HIP1: variants seen among roughly 807,000 people sequenced by gnomAD.
HIP1 encodes huntingtin-interacting protein 1.
In HIP1, 65 loss-of-function variants were observed where a neutral mutation model predicts 147.6. That is an observed-to-expected ratio of 0.44 (90% CI 0.36 to 0.54). HIP1 has a LOEUF of 0.54. HIP1 is among the 20% of genes least tolerant of loss of function. HIP1 has a pLI of 0.00. For synonymous variants in HIP1, 479 were observed against 504.0 expected, an observed-to-expected ratio of 0.95 and a Z score of 0.67; for missense variants, 1,061 against 1,299.6, an observed-to-expected ratio of 0.82 and a Z score of 2.82.
At chr7:75,557,507 T>C (rs1445277724) in intron 16 of HIP1, 147 bp downstream of exon 16, 1 of 706,030 alleles carries the variant, frequency 1.4e-6, no homozygotes, top group Admixed American at 1.9e-5. Flanking sequence ...GGTGTTTTGC[T>C]GTTCTGTGTG....
At chr7:75,556,202 G>T (rs1554493297) in intron 17 of HIP1, 33 bp from the exon 18 acceptor site, 2 of 1,609,564 alleles carry the variant, frequency 1.2e-6, no homozygotes, top group Non-Finnish European at 8.5e-7. Flanking sequence ...AGAGGGAGAC[G>T]CTGGTTGAGT....
intron 1 of HIP1, among the ~76,000 whole-genome samples, chr7:75,691,952 A>G (rs1291613727): frequency 6.6e-6 from 1 of 152,062 alleles, no homozygotes; most frequent in African/African-American, 2.4e-5. Context: ...GGGTGAAAGT[A>G]TCTTGGAACT....
At chr7:75,647,648 CA>C (rs1798846777) in intron 1 of HIP1, among the ~76,000 whole-genome samples, 1 of 152,222 alleles carries the variant, frequency 6.6e-6, no homozygotes, top group Non-Finnish European at 1.5e-5. Context: ...AGCTCTCAGG[CA>C]ATTCACCATG....
At chr7:75,656,171 T>C (rs1799134021) in intron 1 of HIP1, among the ~76,000 whole-genome samples, 1 of 152,066 alleles carries the variant, frequency 6.6e-6, no homozygotes, top group Non-Finnish European at 1.5e-5. Flanking sequence ...TTATGTTATA[T>C]GTATTTTACC....
chr7:75,536,218 C>G lies in HIP1; in HGVS notation c.*1954G>C. 4.7e-6 allele frequency: 1 copy of G among 212,078 alleles called. No homozygotes were observed. Among genetic ancestry groups the G allele is most frequent in the East Asian group, 7.0e-5 (1 of 14,240 alleles). The allele number at this position is 212,078 out of a possible 1,614,324, so 13.1% of individuals were successfully genotyped here. ...AAAGCAGCATTCAACATTAAGACTG[C>G]CCAATTTCTAGTGCTGATACTTCCT... On this transcript the variant is annotated 3_prime_UTR_variant, in exon 31 of 31. Coordinates refer to ENST00000336926, the MANE Select transcript of HIP1 (RefSeq NM_005338.7).
intron 1 of HIP1, among the ~76,000 whole-genome samples, chr7:75,643,175 A>C (rs1279237431): frequency 2.0e-5 from 3 of 152,356 alleles, no homozygotes; most frequent in African/African-American, 7.2e-5. Context: ...GAGGCATAGA[A>C]GTCCATTAAT....
chr7:75,674,797 T>C (rs1195359231), intron 1 of HIP1, among the ~76,000 whole-genome samples: 1 of 151,896 alleles, frequency 6.6e-6, no homozygotes, highest in Non-Finnish European at 1.5e-5. Context: ...GGCCGGCTTT[T>C]TTTTTTTAAT....
chr7:75,638,694 G>A lies in HIP1; in HGVS notation c.121-39447C>T, dbSNP rs1323903413. On this transcript the variant is annotated intron_variant, in intron 1 of 30. Coordinates refer to ENST00000336926, the MANE Select transcript of HIP1 (RefSeq NM_005338.7). ...CGATCTCCTGTAGGTGTGCGGGCAG[G>A]GGGCTCCGGAGGGCACGGTACAAGC... 2.0e-5 allele frequency among the ~76,000 whole-genome samples: 3 copies of A among 152,306 alleles called. No individual in the cohort carries two copies. In the East Asian group the frequency reaches 5.8e-4, roughly 30 times the overall value.
At chr7:75,664,132 G>A (rs111211692) in intron 1 of HIP1, among the ~76,000 whole-genome samples, 13,571 of 40,846 alleles carry the variant, frequency 0.33, 3,713 homozygotes, top group African/African-American at 0.47. Flanking sequence ...GCACACACAT[G>A]TGTGTACATA....
intron 22 of HIP1, among the ~76,000 whole-genome samples, chr7:75,549,942 C>T (rs1794721697): frequency 1.3e-5 from 2 of 151,378 alleles, no homozygotes; most frequent in Admixed American, 6.6e-5. Flanking sequence ...TCCCAATGTG[C>T]TGGGATTGAA....
At chr7:75,720,899 G>A (rs1336536174) in intron 1 of HIP1, among the ~76,000 whole-genome samples, 4 of 151,996 alleles carry the variant, frequency 2.6e-5, no homozygotes, top group Non-Finnish European at 5.9e-5. Flanking sequence ...TTAGCTGGGT[G>A]TGGTGGAACA....
intron 1 of HIP1, among the ~76,000 whole-genome samples, chr7:75,707,972 C>T (rs990495111): frequency 1.8e-4 from 26 of 141,478 alleles, no homozygotes; most frequent in Non-Finnish European, 2.7e-4. Context: ...AAGATTTATA[C>T]GTTAGACCTA....
At chr7:75,635,435 G>A (rs1180038880) in intron 1 of HIP1, among the ~76,000 whole-genome samples, 25 of 151,996 alleles carry the variant, frequency 1.6e-4, no homozygotes, top group Admixed American at 1.4e-3. Flanking sequence ...CAAATTAGTC[G>A]GGCATGGTGG....
chr7:75,709,651 T>C (rs1801107682), intron 1 of HIP1, among the ~76,000 whole-genome samples: 1 of 152,194 alleles, frequency 6.6e-6, no homozygotes, highest in Non-Finnish European at 1.5e-5. Flanking sequence ...CCTCTTCCTT[T>C]CCAATTTGGA....
At chr7:75,570,045 C>T (rs1795556898) in intron 8 of HIP1, among the ~76,000 whole-genome samples, 1 of 151,886 alleles carries the variant, frequency 6.6e-6, no homozygotes, top group Admixed American at 6.6e-5. Flanking sequence ...AGCAATTCTC[C>T]TGCCTCAGCT....
intron 4 of HIP1, among the ~76,000 whole-genome samples, chr7:75,589,529 T>C (rs1342251303): frequency 2.0e-5 from 3 of 150,874 alleles, no homozygotes; most frequent in East Asian, 2.0e-4. Flanking sequence ...CACTAAAATA[T>C]AAAAATTAGC....
Position 75,535,592 on chromosome 7 carries a change from TCAAG to T in HIP1, c.*2576_*2579del, listed in dbSNP as rs1212134353. ...CCAGCCTGGTCTCAAACTCCTGAGCTCAAGCAATCATCCCGTCTTGGCCTCCCAA... is the reference window on the plus strand; with the variant it reads ...CCAGCCTGGTCTCAAACTCCTGAGCTCAATCATCCCGTCTTGGCCTCCCAA... On this transcript the variant is annotated 3_prime_UTR_variant, in exon 31 of 31. Transcript: ENST00000336926. 1 of 182,734 alleles carries T rather than the reference TCAAG, an allele frequency of 5.5e-6. No individual in the cohort carries two copies. The highest frequency in any genetic ancestry group is 8.9e-5 in the East Asian group (1 of 11,278). The allele number at this position is 182,734 out of a possible 1,614,324, so 11.3% of individuals were successfully genotyped here.
At chr7:75,585,086 G>A (rs1796203851) in intron 5 of HIP1, among the ~76,000 whole-genome samples, 1 of 151,964 alleles carries the variant, frequency 6.6e-6, no homozygotes, top group African/African-American at 2.4e-5. Flanking sequence ...CTGGCCTCAA[G>A]TGATCCTCCT....
chr7:75,539,125 A>G (rs1554489336), intron 30 of HIP1, among the ~76,000 whole-genome samples, 198 bp downstream of exon 30: 1 of 152,224 alleles, frequency 6.6e-6, no homozygotes, highest in Non-Finnish European at 1.5e-5. Flanking sequence ...AAGCTTTCAA[A>G]TCACCATAAC....
Sources: allele counts gnomAD v4.1 joint callset (sites outside exome capture counted in the v4.1 genomes callset), GRCh38; gene constraint gnomAD v4.1.1; transcripts MANE v1.5; gene names NCBI Gene and HGNC (gene_info 2026-07-23, HGNC 2026-07-21).